The following ABAT variants were observed in gnomAD, a reference collection of about 807,000 sequenced individuals.
ABAT encodes 4-aminobutyrate aminotransferase, also known as 4-aminobutyrate aminotransferase, mitochondrial.
A neutral mutation model predicts 64.6 loss-of-function variants in ABAT; 45 were observed. The ratio of observed to expected loss-of-function variants is 0.70; its 90% confidence interval spans 0.55 to 0.89. The LOEUF is 0.89. Among genes scored for constraint, ABAT ranks in the 40% least tolerant of loss-of-function variants. The pLI, the probability that ABAT is intolerant of heterozygous loss-of-function variation, is 0.00. For missense variants in ABAT, 633 were observed against 658.4 expected, an observed-to-expected ratio of 0.96 and a Z score of 0.42; for synonymous variants, 297 against 250.5, an observed-to-expected ratio of 1.19 and a Z score of -1.75.
At chr16:8,676,142 G>C (rs60661510) in intron 1 of ABAT, among the ~76,000 whole-genome samples, 10,768 of 152,218 alleles carry the variant, frequency 0.071, 546 homozygotes, top group Admixed American at 0.13. Flanking sequence ...CTGTGTTGCG[G>C]CGTGGAGTCA....
At chr16:8,732,851 G>T (rs1418038886) in intron 1 of ABAT, among the ~76,000 whole-genome samples, 37 of 150,370 alleles carry the variant, frequency 2.5e-4, no homozygotes, top group Admixed American at 5.3e-4. Context: ...GGGCAGAGGG[G>T]CTCCTCACTT....
intron 1 of ABAT, among the ~76,000 whole-genome samples, chr16:8,686,165 A>T (rs977569470): frequency 2.0e-5 from 3 of 152,224 alleles, no homozygotes; most frequent in African/African-American, 7.2e-5. Flanking sequence ...CTCTGCCCAG[A>T]GCTGTAAATA....
intron 1 of ABAT, among the ~76,000 whole-genome samples, chr16:8,679,641 A>G (rs1210052222): frequency 6.6e-6 from 1 of 151,762 alleles, no homozygotes; most frequent in East Asian, 1.9e-4. Context: ...TAGGTGCTTA[A>G]TTAACACGAG....
rs767501137 is a variant in ABAT, at chr16:8,750,413, T to A, written c.199-9T>A. ...CAGTGAGCCTGAGTTGGTCTTTTCT[T>A]TCTCCAAGAATGCAGAGGCTGTGCA... is the stretch of plus-strand genomic sequence containing the variant. On this transcript the variant is annotated splice_polypyrimidine_tract_variant and intron_variant, in intron 4 of 15. Coordinates refer to ENST00000268251, the MANE Select transcript of ABAT (RefSeq NM_020686.6). 16 of 1,613,454 alleles carry A rather than the reference T, an allele frequency of 9.9e-6. No homozygotes were observed. Among genetic ancestry groups the A allele is most frequent in the Non-Finnish European group, 1.3e-5 (15 of 1,179,342 alleles).
intron 1 of ABAT, among the ~76,000 whole-genome samples, chr16:8,733,851 A>T (rs1159564947): frequency 6.8e-6 from 1 of 147,804 alleles, no homozygotes; most frequent in Non-Finnish European, 1.5e-5. Flanking sequence ...ACTGAATCTT[A>T]ATCTACTTTA....
At chr16:8,763,125 C>T (rs981908205) in intron 6 of ABAT, among the ~76,000 whole-genome samples, 1 of 150,602 alleles carries the variant, frequency 6.6e-6, no homozygotes, top group South Asian at 2.1e-4. Context: ...AAAAAAAAGC[C>T]CTTCCAGGCA....
At chr16:8,699,236 G>A (rs548757235) in intron 1 of ABAT, among the ~76,000 whole-genome samples, 1 of 152,210 alleles carries the variant, frequency 6.6e-6, no homozygotes, top group African/African-American at 2.4e-5. Context: ...AGATTGGGGA[G>A]GGGAGATGCT....
In ABAT at chr16:8,761,805, T is replaced by C. The variant is rs183071266; in HGVS notation, c.367-2264T>C. ...TTGTACAGGGCAGGTTCCTGCCAGG[T>C]CACCAAAGTCCCAAGAAGGGGTTTA... On this transcript the variant is annotated intron_variant, in intron 6 of 15. Coordinates refer to ENST00000268251, the MANE Select transcript of ABAT (RefSeq NM_020686.6). Among the ~76,000 whole-genome samples, 8 of 152,200 alleles carry C rather than the reference T, an allele frequency of 5.3e-5. No homozygotes were observed. In the East Asian group the frequency reaches 1.5e-3, roughly 29 times the overall value.
At chr16:8,734,392 C>T (rs926382898) in intron 1 of ABAT, among the ~76,000 whole-genome samples, 1 of 151,960 alleles carries the variant, frequency 6.6e-6, no homozygotes, top group African/African-American at 2.4e-5. Flanking sequence ...CAATGGAGTA[C>T]TTGTTGCAAA....
rs761451655 is a variant in ABAT, at chr16:8,735,713, A to G, written c.-27A>G. ...GTTTCTTTCAGGGTGGCAGCACGCA[A>G]AGGGTGTCCCTGTCCCTCAAGGGGT... On this transcript the variant is annotated 5_prime_UTR_variant, in exon 2 of 16. Transcript: ENST00000268251. The G allele has an allele frequency of 1.3e-6, 2 of 1,580,478 alleles. No individual in the cohort carries two copies. The highest frequency in any genetic ancestry group is 1.3e-5 in the African/African-American group (1 of 74,644).
intron 5 of ABAT, among the ~76,000 whole-genome samples, chr16:8,752,907 C>T (rs1425466171): frequency 1.3e-5 from 2 of 152,070 alleles, no homozygotes; most frequent in Non-Finnish European, 2.9e-5. Context: ...TGGCATATTG[C>T]CAAGTGCCTT....
intron 1 of ABAT, among the ~76,000 whole-genome samples, chr16:8,711,768 A>ATGGG (rs755734626): frequency 0.14 from 17,361 of 122,132 alleles, 1,192 homozygotes; most frequent in Middle Eastern, 0.21. Context: ...GGGAAGATGG[A>ATGGG]TGGATGGATG....
chr16:8,723,329 A>T (rs1167709902), intron 1 of ABAT, among the ~76,000 whole-genome samples: 1 of 152,168 alleles, frequency 6.6e-6, no homozygotes, highest in Non-Finnish European at 1.5e-5. Context: ...AGCATGTTGG[A>T]GACTTGTGCA....
intron 1 of ABAT, among the ~76,000 whole-genome samples, chr16:8,701,280 T>C (rs2057816318): frequency 6.6e-6 from 1 of 152,236 alleles, no homozygotes; most frequent in Non-Finnish European, 1.5e-5. Flanking sequence ...GAAGGAAACA[T>C]GTTCTGTGCC....
Position 8,769,557 on chromosome 16 carries a change from C to CAAA in ABAT, c.816+604_816+606dup, listed in dbSNP as rs35002036. ...CTGGGTAACGGAGTGAGACTCTGTCCAAAAAAAAAAAAAAAAAAAAAAGAG... is the reference window on the plus strand; with the variant it reads ...CTGGGTAACGGAGTGAGACTCTGTCCAAAAAAAAAAAAAAAAAAAAAAAAAGAG... On this transcript the variant is annotated intron_variant, in intron 11 of 15. Transcript: ENST00000268251. Among the ~76,000 whole-genome samples, 57 of 86,680 alleles carry CAAA rather than the reference C, an allele frequency of 6.6e-4. 1 individual carries two copies. The highest frequency in any genetic ancestry group is 1.9e-3 in the African/African-American group (43 of 22,094). The allele number at this position is 86,680 out of a possible 152,430, so 56.9% of individuals were successfully genotyped here. A position where few individuals can be genotyped will look rare whatever the true frequency, so the allele number is the denominator to read the frequency against.
At chr16:8,722,709 A>C in intron 1 of ABAT, 1 of 753,774 alleles carries the variant, frequency 1.3e-6, no homozygotes. Flanking sequence ...ATGGCGTGCC[A>C]GTGCTCTGAA....
rs1158694213 is a variant in ABAT at position 8,782,594 on chromosome 16, G to C, written c.*1164G>C. ...CTTGTACTTGATCCTCCTGAAATGA[G>C]AGATTTTCCTGAGATGACTGAGTAT... On this transcript the variant is annotated 3_prime_UTR_variant, in exon 16 of 16. Coordinates refer to ENST00000268251, the MANE Select transcript of ABAT (RefSeq NM_020686.6). The C allele has an allele frequency of 1.3e-5, 2 of 152,292 alleles. No homozygotes were observed. The highest frequency in any genetic ancestry group is 2.9e-5 in the Non-Finnish European group (2 of 68,084). 9.4% of individuals were successfully genotyped at this position (152,292 alleles called of 1,614,324 possible). A position where few individuals can be genotyped will look rare whatever the true frequency, so the allele number is the denominator to read the frequency against.
At chr16:8,754,670 ATTTCTTTCTTTC>A (rs978873490) in intron 5 of ABAT, among the ~76,000 whole-genome samples, 22 of 14,606 alleles carry the variant, frequency 1.5e-3, no homozygotes, top group African/African-American at 2.4e-3. Context: ...TGATTTATTT[ATTTCTTTCTTTC>A]TTTCTTTCTT....
At chr16:8,706,238 A>AAAAAT (rs1555485259) in intron 1 of ABAT, among the ~76,000 whole-genome samples, 4 of 149,012 alleles carry the variant, frequency 2.7e-5, no homozygotes, top group African/African-American at 9.8e-5. Context: ...TATAAAAAAA[A>AAAAAT]ATATATATAT....
Sources: gnomAD v4.1 joint callset for allele counts (sites outside exome capture counted in the v4.1 genomes callset) on GRCh38, gnomAD v4.1.1 for gene constraint, MANE v1.5 for transcripts, NCBI Gene and HGNC (gene_info 2026-07-23, HGNC 2026-07-21) for gene names.